GABRR3: variants seen among roughly 807,000 people sequenced by gnomAD.
GABRR3 encodes gamma-aminobutyric acid type A receptor subunit rho3, also known as gamma-aminobutyric acid receptor subunit rho-3.
A neutral mutation model predicts 43.2 loss-of-function variants in GABRR3; 29 were observed. That is an observed-to-expected ratio of 0.67 (90% CI 0.50 to 0.92). The LOEUF is 0.92. GABRR3 is among the 40% of genes least tolerant of loss of function. The pLI, the probability that GABRR3 is intolerant of heterozygous loss-of-function variation, is 0.00. For synonymous variants in GABRR3, 206 were observed against 195.9 expected (o/e 1.05, Z -0.43); for missense variants, 576 against 572.3 (o/e 1.01, Z -0.07).
intron 9 of GABRR3, among the ~76,000 whole-genome samples, chr3:97,991,240 AT>A (rs1483485729): frequency 6.6e-6 from 1 of 152,134 alleles, no homozygotes; most frequent in African/African-American, 2.4e-5. Flanking sequence ...CTCCTTACAC[AT>A]TTTTCCTGTC....
At chr3:98,007,238 A>C (rs1706732988) in intron 7 of GABRR3, among the ~76,000 whole-genome samples, 1 of 152,072 alleles carries the variant, frequency 6.6e-6, no homozygotes, top group Admixed American at 6.6e-5. Flanking sequence ...GCTCTGACTG[A>C]AATGAGGGAG....
chr3:98,030,774 G>C (rs906252190), intron 2 of GABRR3, among the ~76,000 whole-genome samples: 2 of 152,140 alleles, frequency 1.3e-5, no homozygotes, highest in South Asian at 2.1e-4. Flanking sequence ...CTGTGAACCA[G>C]TGCACACTGA....
intron 2 of GABRR3, 57 bp from the exon 3 acceptor site, chr3:98,025,736 T>C: frequency 7.8e-6 from 9 of 1,156,838 alleles, no homozygotes; most frequent in Non-Finnish European, 1.1e-5. Flanking sequence ...CTGGATATTT[T>C]GATTTAGGTT....
intron 2 of GABRR3, among the ~76,000 whole-genome samples, chr3:98,027,756 C>T (rs1707041593): frequency 6.6e-6 from 1 of 152,084 alleles, no homozygotes; most frequent in African/African-American, 2.4e-5. Flanking sequence ...CTATATATTC[C>T]CCTCACATAT....
At chr3:97,990,909 A>G (rs1706458549) in intron 9 of GABRR3, among the ~76,000 whole-genome samples, 1 of 151,970 alleles carries the variant, frequency 6.6e-6, no homozygotes, top group African/African-American at 2.4e-5. Context: ...CTGCACACTT[A>G]AAAACAATTC....
intron 2 of GABRR3, among the ~76,000 whole-genome samples, chr3:98,034,621 A>G (rs984185479): frequency 1.3e-5 from 2 of 152,176 alleles, no homozygotes; most frequent in Non-Finnish European, 2.9e-5. Flanking sequence ...TGAACCCTTT[A>G]ACTGTTTTCT....
intron 2 of GABRR3, among the ~76,000 whole-genome samples, chr3:98,026,401 C>G (rs935982962): frequency 2.0e-5 from 3 of 152,094 alleles, no homozygotes; most frequent in African/African-American, 7.2e-5. Context: ...GGGAATAAGG[C>G]CCTGTCTCTC....
intron 2 of GABRR3, among the ~76,000 whole-genome samples, chr3:98,027,955 A>T (rs1006383058): frequency 6.6e-6 from 1 of 151,032 alleles, no homozygotes; most frequent in Non-Finnish European, 1.5e-5. Flanking sequence ...TTTAAAAAAA[A>T]CTACTATCTC....
chr3:98,011,570 C>T (rs1454285131), intron 5 of GABRR3, among the ~76,000 whole-genome samples: 3 of 152,076 alleles, frequency 2.0e-5, no homozygotes, highest in African/African-American at 7.2e-5. Context: ...TAATTTCTTC[C>T]CTATTTCAAG....
intron 3 of GABRR3, among the ~76,000 whole-genome samples, chr3:98,019,497 C>T (rs115942546): frequency 2.9e-3 from 445 of 152,292 alleles, no homozygotes; most frequent in African/African-American, 0.01. Flanking sequence ...TATATTCCTG[C>T]TTCAGGCTTC....
intron 9 of GABRR3, among the ~76,000 whole-genome samples, chr3:97,992,056 C>T (rs777434135): frequency 1.1e-4 from 16 of 152,070 alleles, no homozygotes; most frequent in Admixed American, 9.8e-4. Context: ...TATATAAGTT[C>T]TTGTAAAAGC....
chr3:98,025,622 A>T lies in GABRR3; in HGVS notation c.183T>A (p.Tyr61Ter). Reference sequence around the variant, plus strand: ...TGTCCTCTATATGGAGAAGTTGCTCATATTTCTGAGGCCGCGCTTTGGTAC... The same window carrying T: ...TGTCCTCTATATGGAGAAGTTGCTCTTATTTCTGAGGCCGCGCTTTGGTAC... The change falls in exon 3 of 10, where the codon TAT (tyrosine) becomes TAA (stop). Residue 61 changes from tyrosine (Y) to a stop codon, truncating the protein, a stop_gained. Coordinates refer to ENST00000621172, the Ensembl canonical transcript of GABRR3. LOFTEE classifies it high-confidence loss of function. 1 of 1,613,146 alleles carries T rather than the reference A, an allele frequency of 6.2e-7. No individual in the cohort carries two copies. Among genetic ancestry groups the T allele is most frequent in the Non-Finnish European group, 8.5e-7 (1 of 1,179,558 alleles).
At chr3:98,003,047 A>G (rs1706673046) in intron 7 of GABRR3, among the ~76,000 whole-genome samples, 1 of 152,178 alleles carries the variant, frequency 6.6e-6, no homozygotes, top group Non-Finnish European at 1.5e-5. Context: ...GTCAGTTTAT[A>G]TATGTTCAGG....
In GABRR3 at chr3:98,028,573, C is replaced by T. The variant is rs185366523; in HGVS notation, c.126-2894G>A. Among the ~76,000 whole-genome samples, 380 of 152,244 alleles carry T rather than the reference C, an allele frequency of 2.5e-3. 2 individuals are homozygous for T. The highest frequency in any genetic ancestry group is 3.4e-3 in the Middle Eastern group (1 of 294). On this transcript the variant is annotated intron_variant, in intron 2 of 9. Transcript: ENST00000621172. Reference sequence around the variant, plus strand: ...TCTTTGTACCCAGGAACTTTTTACACGCTGGGGCAATACTCGTAGGATTCA... The same window carrying T: ...TCTTTGTACCCAGGAACTTTTTACATGCTGGGGCAATACTCGTAGGATTCA...
At chr3:98,009,126 G>T (rs888347421) in intron 5 of GABRR3, 88 bp from the exon 6 acceptor site, 5 of 820,746 alleles carry the variant, frequency 6.1e-6, no homozygotes, top group South Asian at 4.6e-5. Context: ...CTTACTGTTT[G>T]CTGGTTCTGT....
chr3:98,008,913 GT>G, intron 6 of GABRR3, 42 bp downstream of exon 6: 1 of 1,160,156 alleles, frequency 8.6e-7, no homozygotes, highest in Non-Finnish European at 1.3e-6. Flanking sequence ...GTGATGGTGT[GT>G]TCAAATGATG....
chr3:98,017,587 T>C (rs1351393987), intron 4 of GABRR3, 68 bp downstream of exon 4: 3 of 1,033,600 alleles, frequency 2.9e-6, no homozygotes, highest in Non-Finnish European at 4.4e-6. Context: ...ATTAAAACAC[T>C]AGTGATTTTG....
intron 3 of GABRR3, among the ~76,000 whole-genome samples, chr3:98,021,525 A>C (rs1706948474): frequency 6.6e-6 from 1 of 152,162 alleles, no homozygotes; most frequent in Non-Finnish European, 1.5e-5. Flanking sequence ...GATTATGTGA[A>C]AGGAAGCTTG....
At chr3:97,995,291 G>A (rs1371308816) in intron 8 of GABRR3, among the ~76,000 whole-genome samples, 1 of 151,962 alleles carries the variant, frequency 6.6e-6, no homozygotes, top group East Asian at 1.9e-4. Context: ...AATTTTTAAT[G>A]TCTTCTCTTA....
Sources: allele counts gnomAD v4.1 joint callset (sites outside exome capture counted in the v4.1 genomes callset), GRCh38; gene constraint gnomAD v4.1.1; transcripts MANE v1.5; gene names NCBI Gene and HGNC (gene_info 2026-07-23, HGNC 2026-07-21).